HERC1: variants seen among roughly 807,000 people sequenced by gnomAD.
HERC1 encodes probable E3 ubiquitin-protein ligase HERC1.
HERC1 carries 160 observed loss-of-function variants against 554.3 expected under a neutral mutation model. That is an observed-to-expected ratio of 0.29 (90% CI 0.25 to 0.33). The LOEUF (loss-of-function observed/expected upper bound fraction) is 0.33, where lower values mean the gene tolerates loss of function less well. Ranked by LOEUF, HERC1 falls within the 10% of genes least tolerant of loss-of-function variation. The pLI, the probability that HERC1 is intolerant of heterozygous loss-of-function variation, is 1.00. For synonymous variants in HERC1, 2,175 were observed against 2,131.7 expected, an observed-to-expected ratio of 1.02 and a Z score of -0.56; for missense variants, 4,919 against 5,918.5, an observed-to-expected ratio of 0.83 and a Z score of 5.54.
At chr15:63,797,822 C>T (rs1010180970) in intron 1 of HERC1, among the ~76,000 whole-genome samples, 2 of 152,132 alleles carry the variant, frequency 1.3e-5, no homozygotes, top group Non-Finnish European at 2.9e-5. Context: ...TGAATTATCA[C>T]AAAAATCCGT....
rs778669398 is a variant in HERC1 at position 63,651,234 on chromosome 15, G to A, written c.10546+19C>T. ...AAAAACTACTTTCAGCAGTTTACTA[G>A]TGTTTACATGACTCTTACCATTAAC... On this transcript the variant is annotated intron_variant, in intron 53 of 77. Transcript: ENST00000443617. The A allele has an allele frequency of 6.2e-7, 1 of 1,612,512 alleles. No individual in the cohort carries two copies. Among genetic ancestry groups the A allele is most frequent in the Non-Finnish European group, 8.5e-7 (1 of 1,179,214 alleles).
At chr15:63,807,026 A>G (rs2077160609) in intron 1 of HERC1, among the ~76,000 whole-genome samples, 1 of 152,236 alleles carries the variant, frequency 6.6e-6, no homozygotes, top group Admixed American at 6.5e-5. Flanking sequence ...GATTACAGGC[A>G]TGAGCCACCA....
chr15:63,667,363 TTCAG>T (rs1261061838), intron 40 of HERC1, among the ~76,000 whole-genome samples: 1 of 152,126 alleles, frequency 6.6e-6, no homozygotes, highest in Non-Finnish European at 1.5e-5. Flanking sequence ...ATTCCATGTA[TTCAG>T]TAAGTTAGAG....
intron 56 of HERC1, 109 bp downstream of exon 56, chr15:63,645,374 A>G: frequency 1.3e-6 from 1 of 773,822 alleles, no homozygotes. Flanking sequence ...TTATAAGAAT[A>G]GCAACTGGCA....
chr15:63,696,714 G>A (rs1366466321), intron 26 of HERC1, among the ~76,000 whole-genome samples: 1 of 152,018 alleles, frequency 6.6e-6, no homozygotes, highest in African/African-American at 2.4e-5. Flanking sequence ...CACAGCTATT[G>A]TGAAGCTCAC....
intron 34 of HERC1, among the ~76,000 whole-genome samples, chr15:63,681,955 A>G (rs1053618177): frequency 6.6e-6 from 1 of 152,228 alleles, no homozygotes; most frequent in Non-Finnish European, 1.5e-5. Context: ...AGTCTCCGTC[A>G]TGAGTGTATC....
chr15:63,813,401 G>C (rs1419313521), intron 1 of HERC1, among the ~76,000 whole-genome samples: 2 of 151,062 alleles, frequency 1.3e-5, no homozygotes, highest in Admixed American at 6.6e-5. Flanking sequence ...TACTCCAAAA[G>C]AGCCACACTT....
chr15:63,646,915 T>C (rs982612717), intron 55 of HERC1, among the ~76,000 whole-genome samples: 1 of 151,972 alleles, frequency 6.6e-6, no homozygotes, highest in African/African-American at 2.4e-5. Context: ...CCAACAGGCA[T>C]ATGAAAAAAT....
intron 40 of HERC1, among the ~76,000 whole-genome samples, chr15:63,668,837 C>A (rs114518520): frequency 6.6e-6 from 1 of 152,312 alleles, no homozygotes; most frequent in South Asian, 2.1e-4. Context: ...ATTTCAACAA[C>A]ACTCTCTCAA....
At chr15:63,750,292 T>C (rs767547830) in intron 8 of HERC1, among the ~76,000 whole-genome samples, 1 of 152,200 alleles carries the variant, frequency 6.6e-6, no homozygotes, top group African/African-American at 2.4e-5. Context: ...AAGAGGGCCA[T>C]GTGAAGCAGT....
intron 36 of HERC1, among the ~76,000 whole-genome samples, chr15:63,679,465 G>T (rs1445726827): frequency 6.6e-6 from 1 of 152,092 alleles, no homozygotes; most frequent in Non-Finnish European, 1.5e-5. Flanking sequence ...ATAATGGCTA[G>T]AAATTCTTGA....
At chr15:63,745,992 G>A (rs1337737417) in intron 12 of HERC1, among the ~76,000 whole-genome samples, 1 of 151,918 alleles carries the variant, frequency 6.6e-6, no homozygotes, top group East Asian at 1.9e-4. Context: ...TTAGTTTCCT[G>A]GATCTCCTCA....
chr15:63,738,516 T>C (rs1413145497), intron 12 of HERC1, among the ~76,000 whole-genome samples: 1 of 152,196 alleles, frequency 6.6e-6, no homozygotes, highest in African/African-American at 2.4e-5. Context: ...AACTATTATT[T>C]ATGCAATATT....
At chr15:63,666,517 A>G (rs1169648026) in intron 40 of HERC1, 45 bp from the exon 41 acceptor site, 2 of 1,234,000 alleles carry the variant, frequency 1.6e-6, no homozygotes, top group Admixed American at 4.1e-5. Flanking sequence ...ATCACTAGAT[A>G]CCGTGAGTAA....
chr15:63,626,728 A>C (rs1232941116), intron 70 of HERC1, among the ~76,000 whole-genome samples: 1 of 152,228 alleles, frequency 6.6e-6, no homozygotes, highest in Non-Finnish European at 1.5e-5. Context: ...CTCCTATAAA[A>C]ACACATAAAA....
intron 13 of HERC1, 29 bp from the exon 14 acceptor site, chr15:63,733,174 A>G: frequency 6.9e-7 from 1 of 1,454,318 alleles, no homozygotes; most frequent in South Asian, 1.1e-5. Flanking sequence ...GGAACAAGTA[A>G]CTAGCGTAAT....
chr15:63,827,454 G>C (rs60213089), intron 1 of HERC1, among the ~76,000 whole-genome samples: 4,634 of 151,572 alleles, frequency 0.031, 248 homozygotes, highest in African/African-American at 0.1. Context: ...AAAATGAAAG[G>C]AATATCTCTT....
At chr15:63,645,365 T>C in intron 56 of HERC1, 118 bp downstream of exon 56, 1 of 754,420 alleles carries the variant, frequency 1.3e-6, no homozygotes, top group Non-Finnish European at 2.1e-6. Context: ...TGTTACACAT[T>C]ATAAGAATAG....
intron 1 of HERC1, among the ~76,000 whole-genome samples, chr15:63,824,167 G>T (rs2077801581): frequency 6.6e-6 from 1 of 152,138 alleles, no homozygotes; most frequent in Non-Finnish European, 1.5e-5. Context: ...GGGGAAAAGG[G>T]AATATTTGAA....
Sources: gnomAD v4.1 joint callset for allele counts (sites outside exome capture counted in the v4.1 genomes callset) on GRCh38, gnomAD v4.1.1 for gene constraint, MANE v1.5 for transcripts, NCBI Gene and HGNC (gene_info 2026-07-23, HGNC 2026-07-21) for gene names.